Variants in GYPC observed in about 807,000 individuals in gnomAD.
GYPC encodes the protein glycophorin-C.
In GYPC, 14 loss-of-function variants were observed where a neutral mutation model predicts 12.6. That is an observed-to-expected ratio of 1.11 (90% CI 0.74 to 1.74). GYPC has a LOEUF of 1.74. Among genes scored for constraint, GYPC ranks in the 40% most tolerant of loss-of-function variants. GYPC has a pLI of 0.00. For synonymous variants in GYPC, 78 were observed against 62.1 expected (o/e 1.26, Z -1.20); for missense variants, 225 against 172.1 (o/e 1.31, Z -1.72).
chr2:126,675,842 A>C, intron 1 of GYPC: 1 of 220,246 alleles, frequency 4.5e-6, no homozygotes, highest in Non-Finnish European at 7.7e-6. Context: ...AAATAAGCTA[A>C]TGATATGTAC....
At chr2:126,657,009 C>CA (rs1348269702) in intron 1 of GYPC, among the ~76,000 whole-genome samples, 2 of 152,130 alleles carry the variant, frequency 1.3e-5, no homozygotes, top group East Asian at 1.9e-4. Flanking sequence ...TTGATTTTAC[C>CA]AAAAAACGTA....
intron 1 of GYPC, among the ~76,000 whole-genome samples, chr2:126,685,319 T>C (rs570404216): frequency 6.6e-6 from 1 of 152,330 alleles, no homozygotes; most frequent in South Asian, 2.1e-4. Context: ...GTCTGGCTCT[T>C]GAACCCCAAA....
At chr2:126,676,967 C>T (rs1248323198) in intron 1 of GYPC, among the ~76,000 whole-genome samples, 1 of 152,194 alleles carries the variant, frequency 6.6e-6, no homozygotes, top group Non-Finnish European at 1.5e-5. Flanking sequence ...CACAGCACAG[C>T]TGGAAGTGCT....
Position 126,666,764 on chromosome 2 carries a change from C to T in GYPC, c.49+10452C>T, listed in dbSNP as rs560981701. Among the ~76,000 whole-genome samples, 63 of 144,418 alleles carry T rather than the reference C, an allele frequency of 4.4e-4. 1 individual carries two copies. The highest frequency in any genetic ancestry group is 7.9e-4 in the Non-Finnish European group (52 of 66,170). The allele number at this position is 144,418 out of a possible 152,430, so 94.7% of individuals were successfully genotyped here. A position where few individuals can be genotyped will look rare whatever the true frequency, so the allele number is the denominator to read the frequency against. ...ACACACACACACACACACATATGCA[C>T]GCACACACACAAGCACACACACATT... On this transcript the variant is annotated intron_variant, in intron 1 of 3. Transcript: ENST00000259254.
Position 126,696,072 on chromosome 2 carries a change from A to G in GYPC, c.317A>G (p.Asp106Gly). ...AKGTEFAESA[D>G]AALQGDPALQ... is the part of the protein sequence containing the mutation. ...GGCACGGAGTTTGCTGAGAGTGCAGATGCAGCCCTGCAGGGAGACCCTGCC... is the reference window on the plus strand; with the variant it reads ...GGCACGGAGTTTGCTGAGAGTGCAGGTGCAGCCCTGCAGGGAGACCCTGCC... Residue 106 changes from aspartate to glycine, a missense_variant, in exon 4 of 4, where the codon GAT (aspartate) becomes GGT (glycine). By Grantham distance (94) the Asp-to-Gly change is moderately conservative. Transcript: ENST00000259254. 6.2e-7 allele frequency: 1 copy of G among 1,614,158 alleles called. No individual in the cohort carries two copies. The highest frequency in any genetic ancestry group is 1.3e-5 in the African/African-American group (1 of 75,064).
intron 1 of GYPC, among the ~76,000 whole-genome samples, chr2:126,664,553 A>G (rs2104773069): frequency 6.6e-6 from 1 of 152,364 alleles, no homozygotes; most frequent in Middle Eastern, 3.4e-3. Flanking sequence ...TTTTAAAATC[A>G]GAAGGAAGGA....
At chr2:126,675,222 C>T (rs1479406343) in intron 1 of GYPC, among the ~76,000 whole-genome samples, 1 of 152,204 alleles carries the variant, frequency 6.6e-6, no homozygotes, top group Admixed American at 6.5e-5. Flanking sequence ...CCATCCTTTG[C>T]ATCCATCTCG....
chr2:126,687,077 G>A (rs551239858), intron 1 of GYPC, among the ~76,000 whole-genome samples: 32 of 152,130 alleles, frequency 2.1e-4, no homozygotes, highest in Admixed American at 4.6e-4. Context: ...AAGGGAGTGC[G>A]CCAAGGGGGG....
chr2:126,656,411 C>G (rs1020711272), intron 1 of GYPC, 99 bp downstream of exon 1: 12 of 1,022,862 alleles, frequency 1.2e-5, no homozygotes, highest in Non-Finnish European at 1.7e-5. Context: ...CCTGGTGTCC[C>G]GGTCCGTGCC....
At chr2:126,667,405 CTTTT>C (rs1227420253) in intron 1 of GYPC, among the ~76,000 whole-genome samples, 1 of 138,240 alleles carries the variant, frequency 7.2e-6, no homozygotes. Flanking sequence ...TTTTTTTTTT[CTTTT>C]TTTTTTTTTT....
chr2:126,690,419 C>A, intron 2 of GYPC, 108 bp downstream of exon 2: 1 of 845,778 alleles, frequency 1.2e-6, no homozygotes, highest in Non-Finnish European at 2.0e-6. Flanking sequence ...TTGGTGAAAA[C>A]ATCCAGGGGA....
At chr2:126,686,759 CGTT>C (rs1683303376) in intron 1 of GYPC, 1 of 894,696 alleles carries the variant, frequency 1.1e-6, no homozygotes, top group South Asian at 5.1e-5. Flanking sequence ...TCTGTCCAAT[CGTT>C]GTGCTGGGTA....
chr2:126,679,795 A>G (rs1429195982), intron 1 of GYPC: 1 of 152,224 alleles, frequency 6.6e-6, no homozygotes, highest in Non-Finnish European at 1.5e-5. Flanking sequence ...AATCGCTTCA[A>G]TCCAGGAGGC....
chr2:126,661,800 A>G (rs1682543764), intron 1 of GYPC, among the ~76,000 whole-genome samples: 1 of 152,174 alleles, frequency 6.6e-6, no homozygotes, highest in Admixed American at 6.5e-5. Context: ...GTGGTCACAC[A>G]CTGCTTGGGG....
At chr2:126,680,338 T>C (rs894332066) in intron 1 of GYPC, 1 of 152,210 alleles carries the variant, frequency 6.6e-6, no homozygotes, top group African/African-American at 2.4e-5. Flanking sequence ...CACTTCAGTG[T>C]AGGGTTTCCC....
intron 3 of GYPC, among the ~76,000 whole-genome samples, chr2:126,695,176 G>A (rs1212694517): frequency 6.6e-6 from 1 of 152,150 alleles, no homozygotes; most frequent in Non-Finnish European, 1.5e-5. Flanking sequence ...ACAGTTAATA[G>A]CCTCATCTTT....
At chr2:126,691,073 A>C (rs566653596) in intron 2 of GYPC, among the ~76,000 whole-genome samples, 1 of 151,938 alleles carries the variant, frequency 6.6e-6, no homozygotes, top group Non-Finnish European at 1.5e-5. Flanking sequence ...TATTAACATT[A>C]TGCAGATACA....
rs1306396150 is a variant in GYPC at position 126,690,255 on chromosome 2, A to T, written c.50A>T (p.Glu17Val). ...TCAGATTCTTGTCCTCTGTTCACAG[A>T]GCCTGATCCGGGGATGGCCTCTGCC... is the stretch of plus-strand genomic sequence containing the variant. ...PNSTAWPLSL[E>V]PDPGMASAST... Residue 17 changes from glutamate (E) to valine (V), a missense_variant and splice_region_variant, in exon 2 of 4, where the codon GAG becomes GTG. By Grantham distance (121) the Glu-to-Val change is moderately radical. Transcript: ENST00000259254. 6.2e-7 allele frequency: 1 copy of T among 1,611,580 alleles called. No individual in the cohort carries two copies. Among genetic ancestry groups the T allele is most frequent in the Non-Finnish European group, 8.5e-7 (1 of 1,177,762 alleles).
intron 1 of GYPC, among the ~76,000 whole-genome samples, chr2:126,683,042 G>A (rs1198897619): frequency 6.6e-6 from 1 of 152,218 alleles, no homozygotes; most frequent in Non-Finnish European, 1.5e-5. Flanking sequence ...TTGTGAACAG[G>A]TGAGATGGCT....
Sources: gnomAD v4.1 joint callset for allele counts (sites outside exome capture counted in the v4.1 genomes callset) on GRCh38, gnomAD v4.1.1 for gene constraint, MANE v1.5 for transcripts, NCBI Gene and HGNC (gene_info 2026-07-23, HGNC 2026-07-21) for gene names.